Variants in CNTN6 observed in about 807,000 individuals in gnomAD.
CNTN6 encodes contactin-6.
CNTN6 carries 137 observed loss-of-function variants against 122.8 expected under a neutral mutation model. The observed-to-expected ratio is 1.12, with a 90% CI of 0.97 to 1.29. CNTN6 has a LOEUF of 1.29. CNTN6 is among the 50% of genes most tolerant of loss of function. CNTN6 has a pLI of 0.00. For missense variants in CNTN6, 1,634 were observed against 1,223.4 expected (o/e 1.34, Z -5.01); for synonymous variants, 570 against 426.0 (o/e 1.34, Z -4.16).
Position 1,241,888 on chromosome 3 carries a change from G to A in CNTN6, c.358+13895G>A, listed in dbSNP as rs558927526. ...TAAAAGTATTAAAGCAGCAGCAGCC[G>A]CTGCACGCAGACATGAGGGCTAGGC... On this transcript the variant is annotated intron_variant, in intron 4 of 22. Transcript: ENST00000446702. 5.6e-3 allele frequency among the ~76,000 whole-genome samples: 853 copies of A among 152,336 alleles called. 10 individuals are homozygous for A. The highest frequency in any genetic ancestry group is 0.019 in the African/African-American group (783 of 41,576).
chr3:1,294,761 A>C (rs1410180507), intron 5 of CNTN6, among the ~76,000 whole-genome samples: 1 of 152,184 alleles, frequency 6.6e-6, no homozygotes, highest in African/African-American at 2.4e-5. Context: ...CCTTCTTAGA[A>C]GTCTTTTCTG....
intron 2 of CNTN6, among the ~76,000 whole-genome samples, chr3:1,191,089 C>T (rs1322346675): frequency 1.3e-5 from 2 of 152,158 alleles, no homozygotes; most frequent in Non-Finnish European, 2.9e-5. Flanking sequence ...GGTTCTAATA[C>T]TGAGCTCCTA....
At chr3:1,242,373 G>A (rs919469866) in intron 4 of CNTN6, among the ~76,000 whole-genome samples, 5 of 152,050 alleles carry the variant, frequency 3.3e-5, no homozygotes, top group Non-Finnish European at 7.4e-5. Context: ...AGGGTGGATG[G>A]CAAAACAATT....
intron 2 of CNTN6, among the ~76,000 whole-genome samples, chr3:1,170,236 CAAAAAAAAAAA>C (rs10525769): frequency 0.37 from 40,290 of 107,654 alleles, 6,843 homozygotes; most frequent in African/African-American, 0.48. Context: ...GGCTCCATCT[CAAAAAAAAAAA>C]AAAAAAAAAA....
At chr3:1,312,237 T>A (rs1202619871) in intron 7 of CNTN6, among the ~76,000 whole-genome samples, 1 of 151,998 alleles carries the variant, frequency 6.6e-6, no homozygotes, top group African/African-American at 2.4e-5. Context: ...AAATTTTTTT[T>A]TCAAGGAGCA....
chr3:1,378,718 A>C (rs932085848), intron 17 of CNTN6, among the ~76,000 whole-genome samples: 1 of 152,200 alleles, frequency 6.6e-6, no homozygotes, highest in Non-Finnish European at 1.5e-5. Flanking sequence ...ACTTTCAAGT[A>C]AGAAAACTGA....
intron 4 of CNTN6, among the ~76,000 whole-genome samples, chr3:1,258,121 C>T (rs2094789197): frequency 6.6e-6 from 1 of 152,100 alleles, no homozygotes. Flanking sequence ...TTGTTAACAA[C>T]AAAGCCAATT....
At chr3:1,201,099 TTGTGTGTG>T (rs57028088) in intron 2 of CNTN6, among the ~76,000 whole-genome samples, 10,111 of 129,986 alleles carry the variant, frequency 0.078, 532 homozygotes, top group African/African-American at 0.15. Context: ...AGCTAACATT[TTGTGTGTG>T]TGTGTGTGTG....
chr3:1,233,603 T>C (rs1411704956), intron 4 of CNTN6, among the ~76,000 whole-genome samples: 20 of 151,370 alleles, frequency 1.3e-4, no homozygotes, highest in Middle Eastern at 3.4e-3. Context: ...GGTGTGGTGG[T>C]GTGCACCTGT....
intron 4 of CNTN6, among the ~76,000 whole-genome samples, chr3:1,242,277 A>G (rs971618280): frequency 2.0e-5 from 3 of 152,126 alleles, no homozygotes; most frequent in African/African-American, 7.2e-5. Context: ...GGGAATAGTG[A>G]AAAAAGCATC....
chr3:1,403,272 A>C, intron 22 of CNTN6, 46 bp from the exon 23 acceptor site: 2 of 1,278,350 alleles, frequency 1.6e-6, no homozygotes, highest in Non-Finnish European at 2.2e-6. Context: ...TCTAACAGGC[A>C]ATACTTTATC....
At chr3:1,276,786 C>G (rs978130034) in intron 4 of CNTN6, among the ~76,000 whole-genome samples, 2 of 152,154 alleles carry the variant, frequency 1.3e-5, no homozygotes, top group Non-Finnish European at 2.9e-5. Context: ...ACAAATGCCT[C>G]AAACAAGATA....
intron 5 of CNTN6, among the ~76,000 whole-genome samples, chr3:1,285,439 G>A (rs184855387): frequency 1.3e-5 from 2 of 152,106 alleles, no homozygotes; most frequent in Admixed American, 6.5e-5. Context: ...GCAGGCAGCT[G>A]GATTATATGT....
chr3:1,183,585 C>T (rs772436998), intron 2 of CNTN6, among the ~76,000 whole-genome samples: 1 of 151,916 alleles, frequency 6.6e-6, no homozygotes, highest in Non-Finnish European at 1.5e-5. Context: ...GGACACATTC[C>T]TACATTTTTA....
At chr3:1,399,296 A>G (rs1695378449) in intron 20 of CNTN6, among the ~76,000 whole-genome samples, 1 of 152,120 alleles carries the variant, frequency 6.6e-6, no homozygotes, top group South Asian at 2.1e-4. Flanking sequence ...TTTATAGCTG[A>G]GAAAAAGATT....
chr3:1,142,824 A>C (rs990318868), intron 1 of CNTN6, among the ~76,000 whole-genome samples: 3 of 151,964 alleles, frequency 2.0e-5, no homozygotes, highest in Non-Finnish European at 2.9e-5. Flanking sequence ...GCCTTTAGAA[A>C]GGCAATGGGG....
At chr3:1,094,940 C>T (rs2090444493) in intron 1 of CNTN6, among the ~76,000 whole-genome samples, 2 of 151,984 alleles carry the variant, frequency 1.3e-5, no homozygotes, top group South Asian at 4.2e-4. Flanking sequence ...ATGACTCAAA[C>T]TATACATAAA....
intron 16 of CNTN6, 95 bp downstream of exon 16, chr3:1,374,168 G>A (rs1001888660): frequency 4.1e-5 from 53 of 1,307,260 alleles, no homozygotes; most frequent in Non-Finnish European, 5.0e-5. Context: ...TAATACTTTT[G>A]GCTCAAAATT....
intron 2 of CNTN6, 85 bp from the exon 3 acceptor site, chr3:1,220,602 G>A: frequency 9.6e-7 from 1 of 1,047,040 alleles, no homozygotes; most frequent in South Asian, 2.5e-5. Flanking sequence ...TTTTAAATAT[G>A]TATATTGAAT....
Sources: gnomAD v4.1 joint callset for allele counts (sites outside exome capture counted in the v4.1 genomes callset) on GRCh38, gnomAD v4.1.1 for gene constraint, MANE v1.5 for transcripts, NCBI Gene and HGNC (gene_info 2026-07-23, HGNC 2026-07-21) for gene names.